MBOAT1: variants seen among roughly 807,000 people sequenced by gnomAD.
The protein encoded by MBOAT1 is membrane bound glycerophospholipid O-acyltransferase 1.
MBOAT1 carries 67 observed loss-of-function variants against 64.4 expected under a neutral mutation model. That is an observed-to-expected ratio of 1.04 (90% CI 0.85 to 1.27). The LOEUF is 1.27. Among genes scored for constraint, MBOAT1 ranks in the 50% most tolerant of loss-of-function variants. MBOAT1 has a pLI of 0.00. For missense variants in MBOAT1, 563 were observed against 604.6 expected (o/e 0.93, Z 0.72); for synonymous variants, 229 against 218.9 (o/e 1.05, Z -0.41).
intron 10 of MBOAT1, 30 bp from the exon 11 acceptor site, chr6:20,113,038 G>A (rs1018512604): frequency 5.0e-6 from 8 of 1,603,090 alleles, no homozygotes; most frequent in Non-Finnish European, 5.1e-6. Flanking sequence ...CAAGACACAG[G>A]TGAAACATAC....
chr6:20,178,759 A>C (rs1380667741), intron 1 of MBOAT1, among the ~76,000 whole-genome samples: 6 of 152,150 alleles, frequency 3.9e-5, no homozygotes. Flanking sequence ...CCAGCCACCA[A>C]CGAGCTCTGT....
chr6:20,193,003 T>TTTTTTTTTTTTTG (rs1762848763), intron 1 of MBOAT1, among the ~76,000 whole-genome samples: 1 of 90,534 alleles, frequency 1.1e-5, no homozygotes, highest in Non-Finnish European at 2.5e-5. Flanking sequence ...TTCTTTTTTT[T>TTTTTTTTTTTTTG]TTTTTTTTTT....
In MBOAT1 at chr6:20,117,134, C is replaced by T. The variant is rs534929338; in HGVS notation, c.1011+1303G>A. Among the ~76,000 whole-genome samples, 25 of 152,274 alleles carry T rather than the reference C, an allele frequency of 1.6e-4. No homozygotes were observed. In the East Asian group the frequency reaches 4.6e-3, roughly 28 times the overall value. ...GGACTGCTTCTTGCCTCACAAGCAG[C>T]GACCAATAGTAAAAACATTATTTGT... On this transcript the variant is annotated intron_variant, in intron 9 of 12. Transcript: ENST00000324607.
intron 1 of MBOAT1, among the ~76,000 whole-genome samples, chr6:20,188,490 G>A (rs921565052): frequency 5.9e-5 from 9 of 152,182 alleles, no homozygotes; most frequent in Non-Finnish European, 1.2e-4. Context: ...GAGAATTAAG[G>A]AGTGTGGACA....
chr6:20,159,935 C>T (rs2113707722), intron 1 of MBOAT1, among the ~76,000 whole-genome samples: 1 of 152,286 alleles, frequency 6.6e-6, no homozygotes, highest in South Asian at 2.1e-4. Context: ...TCATGACATC[C>T]AGCAATGTGC....
chr6:20,111,847 C>CATATATAT (rs374292054), intron 11 of MBOAT1, among the ~76,000 whole-genome samples: 1 of 76,068 alleles, frequency 1.3e-5, no homozygotes, highest in Non-Finnish European at 2.7e-5. Context: ...CATATATATA[C>CATATATAT]ATATATATAT....
chr6:20,152,680 G>T lies in MBOAT1; in HGVS notation c.189C>A (p.Val63=). Residue 63 remains valine (V), a synonymous_variant, in exon 2 of 13, where the codon GTC becomes GTA. Coordinates refer to ENST00000324607, the MANE Select transcript of MBOAT1 (RefSeq NM_001080480.3). The part of the protein sequence containing the change: ...YLRPGTTSSD[V]RHAVATIFGI... ...CAAAAATGGTGGCAACCGCATGCCG[G>T]ACATCAGAGCTGGTTGTACCAGGAC... 1 of 1,612,086 alleles carries T rather than the reference G, an allele frequency of 6.2e-7. No individual in the cohort carries two copies. The highest frequency in any genetic ancestry group is 8.5e-7 in the Non-Finnish European group (1 of 1,178,690).
At chr6:20,204,137 TCTGA>T (rs1763193932) in intron 1 of MBOAT1, among the ~76,000 whole-genome samples, 1 of 152,210 alleles carries the variant, frequency 6.6e-6, no homozygotes, top group Non-Finnish European at 1.5e-5. Flanking sequence ...CCTAGAATAT[TCTGA>T]CTGTCTCACC....
chr6:20,194,487 C>G (rs1004812696), intron 1 of MBOAT1, among the ~76,000 whole-genome samples: 1 of 152,138 alleles, frequency 6.6e-6, no homozygotes, highest in African/African-American at 2.4e-5. Context: ...AACCCTCGAT[C>G]GAGATTTCTC....
chr6:20,102,817 AATG>A (rs1190225969), intron 12 of MBOAT1, among the ~76,000 whole-genome samples: 3 of 152,206 alleles, frequency 2.0e-5, no homozygotes, highest in Non-Finnish European at 4.4e-5. Context: ...GGACCACATT[AATG>A]ATGATGGCCC....
chr6:20,143,590 C>G (rs770441563), intron 4 of MBOAT1, among the ~76,000 whole-genome samples: 2 of 152,126 alleles, frequency 1.3e-5, no homozygotes, highest in Non-Finnish European at 1.5e-5. Flanking sequence ...AACCACAGAC[C>G]TGGAGCCTCT....
chr6:20,212,212 G>T lies in MBOAT1; in HGVS notation c.23C>A (p.Ser8Tyr), dbSNP rs370967078. ...GCCCGTGGTGCGGTAGGAAAGGCTG[G>T]ACGGCTGCGGCTCTGCTGCCATCCT... MAAEPQP[S>Y]SLSYRTTGST... Residue 8 changes from serine to tyrosine, a missense_variant, in exon 1 of 13, where the codon TCC becomes TAC. Transcript: ENST00000324607. 1 of 1,612,894 alleles carries T rather than the reference G, an allele frequency of 6.2e-7. No homozygotes were observed. The highest frequency in any genetic ancestry group is 2.2e-5 in the East Asian group (1 of 44,846).
At chr6:20,211,439 G>C in intron 1 of MBOAT1, among the ~76,000 whole-genome samples, 1 of 152,170 alleles carries the variant, frequency 6.6e-6, no homozygotes, top group East Asian at 1.9e-4. Context: ...TCATCTTCAG[G>C]AAGGTTTCTT....
chr6:20,123,778 T>A (rs907984709), intron 8 of MBOAT1, among the ~76,000 whole-genome samples: 3 of 152,152 alleles, frequency 2.0e-5, no homozygotes, highest in Non-Finnish European at 2.9e-5. Flanking sequence ...AGATCAAGGC[T>A]GGGCGTGGTG....
At chr6:20,188,585 A>G (rs1363638302) in intron 1 of MBOAT1, among the ~76,000 whole-genome samples, 122 of 152,154 alleles carry the variant, frequency 8.0e-4, no homozygotes, top group Admixed American at 8.0e-3. Flanking sequence ...GAGGGTTGCC[A>G]TTTTTACAGT....
intron 1 of MBOAT1, among the ~76,000 whole-genome samples, chr6:20,180,469 T>A (rs1762477196): frequency 6.6e-6 from 1 of 152,172 alleles, no homozygotes; most frequent in Non-Finnish European, 1.5e-5. Context: ...CCTGAGGGCC[T>A]ACCCAGTGGG....
At chr6:20,130,819 T>G (rs906082211) in intron 5 of MBOAT1, among the ~76,000 whole-genome samples, 1 of 152,186 alleles carries the variant, frequency 6.6e-6, no homozygotes, top group East Asian at 1.9e-4. Flanking sequence ...TAAAAGGATG[T>G]CATTTCTTTT....
chr6:20,110,138 T>G (rs1005348108), intron 11 of MBOAT1, among the ~76,000 whole-genome samples: 17 of 151,892 alleles, frequency 1.1e-4, no homozygotes, highest in Admixed American at 3.3e-4. Context: ...CTCGAATTCC[T>G]GACCTTGTGA....
chr6:20,118,630 T>C (rs1212558535), intron 8 of MBOAT1, 90 bp from the exon 9 acceptor site: 44 of 993,844 alleles, frequency 4.4e-5, no homozygotes, highest in Non-Finnish European at 6.2e-5. Flanking sequence ...AGCTTCAAGA[T>C]GGAGAAATAT....
Sources: gnomAD v4.1 joint callset for allele counts (sites outside exome capture counted in the v4.1 genomes callset) on GRCh38, gnomAD v4.1.1 for gene constraint, MANE v1.5 for transcripts, NCBI Gene and HGNC (gene_info 2026-07-23, HGNC 2026-07-21) for gene names.